C1QTNF2: variants seen among roughly 807,000 people sequenced by gnomAD.
The protein encoded by C1QTNF2 is C1q and TNF related 2.
In C1QTNF2, 15 loss-of-function variants were observed where a neutral mutation model predicts 17.4. The observed-to-expected ratio is 0.86, with a 90% CI of 0.58 to 1.33. The LOEUF (loss-of-function observed/expected upper bound fraction) is 1.33, where lower values mean the gene tolerates loss of function less well. Ranked by LOEUF, C1QTNF2 falls within the 40% of genes most tolerant of loss-of-function variation. The pLI is 0.00. For missense variants in C1QTNF2, 381 were observed against 392.3 expected, an observed-to-expected ratio of 0.97 and a Z score of 0.24; for synonymous variants, 154 against 163.3, an observed-to-expected ratio of 0.94 and a Z score of 0.44.
At chr5:160,351,573 T>C (rs942721136) in intron 2 of C1QTNF2, among the ~76,000 whole-genome samples, 1 of 152,224 alleles carries the variant, frequency 6.6e-6, no homozygotes, top group African/African-American at 2.4e-5. Flanking sequence ...AGAGTGCTTA[T>C]GTTAAGTGCC....
chr5:160,368,151 T>C (rs968104143), intron 1 of C1QTNF2, among the ~76,000 whole-genome samples: 3 of 152,188 alleles, frequency 2.0e-5, no homozygotes, highest in African/African-American at 4.8e-5. Flanking sequence ...ATGTGTGTTA[T>C]AGGAGTAAGC....
chr5:160,352,306 T>C (rs1315421004), intron 2 of C1QTNF2, among the ~76,000 whole-genome samples: 1 of 152,224 alleles, frequency 6.6e-6, no homozygotes, highest in Non-Finnish European at 1.5e-5. Context: ...TTTCCTCTTC[T>C]TTACCTTTTT....
At chr5:160,367,614 A>C (rs946900512) in intron 1 of C1QTNF2, among the ~76,000 whole-genome samples, 3 of 152,158 alleles carry the variant, frequency 2.0e-5, no homozygotes, top group African/African-American at 7.2e-5. Context: ...CTCAGAAGAA[A>C]CCAACACTGC....
intron 1 of C1QTNF2, among the ~76,000 whole-genome samples, chr5:160,358,320 A>G (rs555923380): frequency 1.3e-5 from 2 of 152,328 alleles, no homozygotes; most frequent in South Asian, 2.1e-4. Flanking sequence ...GGCTACAAAT[A>G]GCCCTGCTCC....
At position 160,355,004 on chromosome 5, in the gene C1QTNF2, G is replaced by A. The variant is rs1159001319; in HGVS notation, c.8C>T (p.Pro3Leu). The A allele has an allele frequency of 1.3e-6, 2 of 1,569,340 alleles. No homozygotes were observed. Among genetic ancestry groups the A allele is most frequent in the Non-Finnish European group, 1.7e-6 (2 of 1,158,710 alleles). The change falls in exon 2 of 3, where the codon CCC becomes CTC. Residue 3 changes from proline (P) to leucine (L), a missense_variant. By Grantham distance (98) the Pro-to-Leu change is moderately conservative. Coordinates refer to ENST00000652664, the MANE Select transcript of C1QTNF2 (RefSeq NM_031908.6). ...GAGGGCACAGGCCAGGAGCACCCAG[G>A]GGATCATGGTGGTTACCTGTGGGAG... MI[P>L]WVLLACALPC...
Position 160,349,312 on chromosome 5 carries a change from G to A in C1QTNF2, c.714C>T (p.Ile238=). 2 of 1,614,026 alleles carry A rather than the reference G, an allele frequency of 1.2e-6. No homozygotes were observed. ...CTTCGTCACCCTGCTTGAGAGCCAG[G>A]ATGGTGGAGCCTGAGGCCACATCGT... ...GNHDVASGST[I]LALKQGDEVW... The change falls in exon 3 of 3, where the codon ATC becomes ATT. Residue 238 remains isoleucine (I), a synonymous_variant. Coordinates refer to ENST00000652664, the MANE Select transcript of C1QTNF2 (RefSeq NM_031908.6). The surrounding 1 kb of genome is among the most constrained non-coding windows in gnomAD (Gnocchi z 4.3).
intron 2 of C1QTNF2, among the ~76,000 whole-genome samples, 169 bp downstream of exon 2, chr5:160,354,599 T>TAAAAAAAAAAAAAAA (rs1561822860): frequency 2.7e-4 from 1 of 3,638 alleles, no homozygotes; most frequent in African/African-American, 6.6e-4. Context: ...AAAAAAAAAG[T>TAAAAAAAAAAAAAAA]ATATATATAT....
In C1QTNF2 at chr5:160,349,132, A is replaced by G. The variant is rs1162424981; in HGVS notation, c.*36T>C. 2.5e-6 allele frequency: 4 copies of G among 1,577,276 alleles called. No individual in the cohort carries two copies. Among genetic ancestry groups the G allele is most frequent in the African/African-American group, 2.7e-5 (2 of 74,126 alleles). On this transcript the variant is annotated 3_prime_UTR_variant, in exon 3 of 3. Coordinates refer to ENST00000652664, the MANE Select transcript of C1QTNF2 (RefSeq NM_031908.6). This position sits in a 1 kb window ranked among gnomAD's most constrained non-coding sequence, Gnocchi z 4.3. ...CTTGCTCTGTAAGCCCAAGTCCAGAAGCTTGTTCCCTGCCTGGAGGACCGC... is the reference window on the plus strand; with the variant it reads ...CTTGCTCTGTAAGCCCAAGTCCAGAGGCTTGTTCCCTGCCTGGAGGACCGC...
intron 2 of C1QTNF2, among the ~76,000 whole-genome samples, chr5:160,352,906 T>C (rs1304566560): frequency 6.6e-6 from 1 of 152,240 alleles, no homozygotes; most frequent in Non-Finnish European, 1.5e-5. Flanking sequence ...GCCTAACATT[T>C]ATTGTATGTC....
At chr5:160,352,445 T>C (rs1763943655) in intron 2 of C1QTNF2, among the ~76,000 whole-genome samples, 2 of 152,176 alleles carry the variant, frequency 1.3e-5, no homozygotes, top group Admixed American at 1.3e-4. Context: ...TTTGTTTGAG[T>C]TACATGCGCT....
chr5:160,359,212 G>T (rs1418335605), intron 1 of C1QTNF2, among the ~76,000 whole-genome samples: 2 of 152,222 alleles, frequency 1.3e-5, no homozygotes, highest in East Asian at 3.9e-4. Flanking sequence ...CACAATCAGG[G>T]ATTAATGGAG....
At chr5:160,350,770 A>T (rs141390116) in intron 2 of C1QTNF2, among the ~76,000 whole-genome samples, 3,008 of 131,956 alleles carry the variant, frequency 0.023, 86 homozygotes, top group African/African-American at 0.076. Context: ...TTTTTTTTTG[A>T]GACGGAATCT....
At chr5:160,364,773 A>G (rs1024216983) in intron 1 of C1QTNF2, among the ~76,000 whole-genome samples, 5 of 152,044 alleles carry the variant, frequency 3.3e-5, no homozygotes, top group African/African-American at 9.7e-5. Context: ...TGAGGGAAGG[A>G]TGGGGTGTTG....
chr5:160,347,754 T>TTTTTTTG lies in C1QTNF2; in HGVS notation c.*1413_*1414insCAAAAAA, dbSNP rs1491370853. On this transcript the variant is annotated 3_prime_UTR_variant, in exon 3 of 3. Coordinates refer to ENST00000652664, the MANE Select transcript of C1QTNF2 (RefSeq NM_031908.6). The stretch of plus-strand genomic sequence containing the variant: ...CTCAGTACCTGCGTTTTTGTTTTTG[T>TTTTTTTG]TTTTTTTTTTTTTTTGTTTTTTTTT... 3.3e-3 allele frequency: 1 copy of TTTTTTTG among 304 alleles called. No homozygotes were observed. The highest frequency in any genetic ancestry group is 0.028 in the African/African-American group (1 of 36). The allele number at this position is 304 out of a possible 1,614,324, so 0.0% of individuals were successfully genotyped here. A position where few individuals can be genotyped will look rare whatever the true frequency, so the allele number is the denominator to read the frequency against.
Position 160,368,567 on chromosome 5 carries a change from A to C in C1QTNF2, c.-10+1945T>G, listed in dbSNP as rs547608925. 2.6e-5 allele frequency among the ~76,000 whole-genome samples: 4 copies of C among 152,242 alleles called. No homozygotes were observed. In the East Asian group the frequency reaches 7.7e-4, roughly 29 times the overall value. On this transcript the variant is annotated intron_variant, in intron 1 of 2. Transcript: ENST00000652664. ...AAAAAAGAAAAAAAAGAGAAGCTAA[A>C]ATGGAATATAACTAACAGAAGTTTG... is the stretch of plus-strand genomic sequence containing the variant.
At chr5:160,353,746 G>T (rs892807423) in intron 2 of C1QTNF2, among the ~76,000 whole-genome samples, 1 of 147,226 alleles carries the variant, frequency 6.8e-6, no homozygotes, top group Non-Finnish European at 1.5e-5. Context: ...TTGAGCTCCT[G>T]GACTCAGCTA....
intron 1 of C1QTNF2, among the ~76,000 whole-genome samples, chr5:160,362,413 T>C (rs1193197984): frequency 6.6e-6 from 1 of 152,176 alleles, no homozygotes; most frequent in Admixed American, 6.5e-5. Context: ...ACCTCTTGGT[T>C]AAAGAAACCC....
rs1381212091 is a variant in C1QTNF2, at chr5:160,349,485, T to C, written c.541A>G (p.Asn181Asp). The C allele has an allele frequency of 6.2e-7, 1 of 1,613,846 alleles. No homozygotes were observed. The highest frequency in any genetic ancestry group is 1.3e-5 in the African/African-American group (1 of 74,874). ...CAGACGAACTTGCCGCTGGAAGCATTGTAGTGGCCACCCTCGTTCATCAGA... is the reference window on the plus strand; with the variant it reads ...CAGACGAACTTGCCGCTGGAAGCATCGTAGTGGCCACCCTCGTTCATCAGA... ...KILMNEGGHY[N>D]ASSGKFVCGV... The change falls in exon 3 of 3, where the codon AAT becomes GAT. Residue 181 changes from asparagine to aspartate, a missense_variant. Transcript: ENST00000652664. The surrounding 1 kb of genome is among the most constrained non-coding windows in gnomAD (Gnocchi z 4.3).
chr5:160,357,636 T>C (rs888954328), intron 1 of C1QTNF2, among the ~76,000 whole-genome samples: 4 of 152,142 alleles, frequency 2.6e-5, no homozygotes, highest in Non-Finnish European at 5.9e-5. Flanking sequence ...TCGAAATGAT[T>C]TGGAAAGTTG....
Sources: gnomAD v4.1 joint callset for allele counts (sites outside exome capture counted in the v4.1 genomes callset) on GRCh38, gnomAD v4.1.1 for gene constraint, Gnocchi (gnomAD v3.1) non-coding constraint, MANE v1.5 for transcripts, NCBI Gene and HGNC (gene_info 2026-07-23, HGNC 2026-07-21) for gene names.